C19orf44: variants seen among roughly 807,000 people sequenced by gnomAD.
C19orf44 encodes the protein chromosome 19 open reading frame 44, also known as uncharacterized protein C19orf44.
A neutral mutation model predicts 50.7 loss-of-function variants in C19orf44; 43 were observed. That is an observed-to-expected ratio of 0.85 (90% CI 0.66 to 1.09). The LOEUF is 1.09. Ranked by LOEUF, C19orf44 falls within the 50% of genes least tolerant of loss-of-function variation. The pLI is 0.00. For synonymous variants in C19orf44, 298 were observed against 334.7 expected (o/e 0.89, Z 1.20); for missense variants, 722 against 836.2 (o/e 0.86, Z 1.68).
At chr19:16,506,825 T>C (rs967328943) in intron 4 of C19orf44, 51 bp downstream of exon 4, 14 of 812,528 alleles carry the variant, frequency 1.7e-5, no homozygotes, top group Non-Finnish European at 2.5e-5. Context: ...GGCTTCAACA[T>C]TTTTTTTTTT....
rs747290463 is a variant in C19orf44 at position 16,509,517 on chromosome 19, CAA to C, written c.1173_1174del (p.Lys391AsnfsTer38). The C allele has an allele frequency of 4.5e-6, 7 of 1,544,774 alleles. No individual in the cohort carries two copies. The highest frequency in any genetic ancestry group is 5.2e-6 in the Non-Finnish European group (6 of 1,149,958). On this transcript the variant is annotated frameshift_variant, in exon 5 of 9. Coordinates refer to ENST00000221671, the MANE Select transcript of C19orf44 (RefSeq NM_032207.4). LOFTEE classifies it high-confidence loss of function. ...LEQEEESAQRQKTAGKIFRAE... is the reference protein window; with the variant it reads ...LEQEEESAQRXKTAGKIFRAE... ...ATTTTAGGAGGAAAGTGCTCAGAGA[CAA>C]AAAACAGCTGGCAAAATCTTCAGAG...
At position 16,520,215 on chromosome 19, in the gene C19orf44, C is replaced by T. The variant is rs1296762298; in HGVS notation, c.*162C>T. The T allele has an allele frequency of 6.2e-6, 10 of 1,613,258 alleles. No homozygotes were observed. Among genetic ancestry groups the T allele is most frequent in the South Asian group, 1.1e-5 (1 of 91,064 alleles). ...TGGGGAGTACGACTTGGACCGGGAC[C>T]GCGACTGGGACCGGGAGCGGCTTCT... is the stretch of plus-strand genomic sequence containing the variant. On this transcript the variant is annotated 3_prime_UTR_variant, in exon 9 of 9. Coordinates refer to ENST00000221671, the MANE Select transcript of C19orf44 (RefSeq NM_032207.4). This position sits in a 1 kb window ranked among gnomAD's most constrained non-coding sequence, Gnocchi z 4.0.
intron 5 of C19orf44, among the ~76,000 whole-genome samples, chr19:16,510,961 C>T (rs533651153): frequency 6.6e-4 from 100 of 151,834 alleles, no homozygotes; most frequent in African/African-American, 2.3e-3. Context: ...GTCTCAAACT[C>T]GTGGGCTCAA....
At chr19:16,518,820 C>T in intron 8 of C19orf44, 1 of 290,754 alleles carries the variant, frequency 3.4e-6, no homozygotes. Flanking sequence ...AGGCTTCAAT[C>T]TGACTTAGGG....
At chr19:16,512,944 C>T (rs1203131956) in intron 5 of C19orf44, 70 bp from the exon 6 acceptor site, 8 of 1,257,786 alleles carry the variant, frequency 6.4e-6, no homozygotes, top group Admixed American at 1.8e-5. Context: ...ATTCCAGGGT[C>T]GTATCTGTGG....
rs773708258 is a variant in C19orf44 at position 16,509,600 on chromosome 19, A to T, written c.1251A>T (p.Ala417=). 1.3e-5 allele frequency: 21 copies of T among 1,614,178 alleles called. No homozygotes were observed. The South Asian group carries it at 2.1e-4, about 16-fold the overall frequency. Residue 417 remains alanine (A), a synonymous_variant, in exon 5 of 9, where the codon GCA becomes GCT. Transcript: ENST00000221671. ...APRQAQARSW[A]SQGKAASAEG... ...GGCAGGCCCAGGCGAGGAGCTGGGC[A>T]TCACAGGGAAAGGCCGCCTCTGCAG... is the stretch of plus-strand genomic sequence containing the variant.
rs141692538 is a variant in C19orf44 at position 16,513,105 on chromosome 19, A to G, written c.1731A>G (p.Ile577Met). The G allele has an allele frequency of 1.2e-6, 2 of 1,613,864 alleles. No individual in the cohort carries two copies. The highest frequency in any genetic ancestry group is 1.1e-5 in the South Asian group (1 of 91,086). Residue 577 changes from isoleucine to methionine, a missense_variant, in exon 6 of 9, where the codon ATA becomes ATG. Transcript: ENST00000221671. Reference sequence around the variant, plus strand: ...ATCATGTTATCAGTGCAGATGCAATAGAAGGTAACAGCCCGGCTCGGGGGA... The same window carrying G: ...ATCATGTTATCAGTGCAGATGCAATGGAAGGTAACAGCCCGGCTCGGGGGA... Reference protein sequence around the residue: ...IANHVISADAIEALTAYSPAV... With the variant: ...IANHVISADAMEALTAYSPAV...
chr19:16,501,003 G>C lies in C19orf44; in HGVS notation c.211G>C (p.Gly71Arg). 1 of 1,613,788 alleles carries C rather than the reference G, an allele frequency of 6.2e-7. No homozygotes were observed. Reference sequence around the variant, plus strand: ...ACTCCTGAAAGAGAACCCTGTGCTCGGGAGTGGACCCAGGCTTGCCTCATG... The same window carrying C: ...ACTCCTGAAAGAGAACCCTGTGCTCCGGAGTGGACCCAGGCTTGCCTCATG... ...HLLLKENPVL[G>R]SGPRLASCRP... Residue 71 changes from glycine (G) to arginine (R), a missense_variant, in exon 2 of 9, where the codon GGG (glycine) becomes CGG (arginine). By Grantham distance (125) the Gly-to-Arg change is moderately radical. Transcript: ENST00000221671.
rs368721005 is a variant in C19orf44 at position 16,519,408 on chromosome 19, C to A, written c.*41-686C>A. On this transcript the variant is annotated intron_variant, in intron 8 of 8. Transcript: ENST00000221671. This position sits in a 1 kb window ranked among gnomAD's most constrained non-coding sequence, Gnocchi z 6.0. Reference sequence around the variant, plus strand: ...CAAGGCGGAGGCAGATGGGGGTGCACGTGGGGGGCTGAATGTCCAGACAGG... The same window carrying A: ...CAAGGCGGAGGCAGATGGGGGTGCAAGTGGGGGGCTGAATGTCCAGACAGG... 2 of 1,543,826 alleles carry A rather than the reference C, an allele frequency of 1.3e-6. No individual in the cohort carries two copies. The highest frequency in any genetic ancestry group is 1.2e-5 in the South Asian group (1 of 86,226).
intron 1 of C19orf44, among the ~76,000 whole-genome samples, chr19:16,500,559 G>A (rs1262818087): frequency 1.3e-5 from 2 of 151,610 alleles, no homozygotes. Flanking sequence ...TTGCCAGGAT[G>A]GTCTCAATCT....
chr19:16,498,543 C>CA (rs1402805982), intron 1 of C19orf44, among the ~76,000 whole-genome samples: 1 of 152,194 alleles, frequency 6.6e-6, no homozygotes, highest in Non-Finnish European at 1.5e-5. Flanking sequence ...CCTGGCCTCC[C>CA]ACAGTGCTGG....
At chr19:16,512,442 C>T (rs1176509349) in intron 5 of C19orf44, among the ~76,000 whole-genome samples, 1 of 152,142 alleles carries the variant, frequency 6.6e-6, no homozygotes, top group Non-Finnish European at 1.5e-5. Flanking sequence ...AGCACATCCT[C>T]CACTGCTCTC....
chr19:16,518,343 G>C (rs559938754), intron 8 of C19orf44: 1 of 152,140 alleles, frequency 6.6e-6, no homozygotes, highest in African/African-American at 2.4e-5. Flanking sequence ...ACTCAAGCAG[G>C]GGACGCGACG....
chr19:16,503,224 A>G lies in C19orf44; in HGVS notation c.919A>G (p.Thr307Ala), dbSNP rs142099639. Residue 307 changes from threonine to alanine, a missense_variant, in exon 3 of 9, where the codon ACC (threonine) becomes GCC (alanine). Coordinates refer to ENST00000221671, the MANE Select transcript of C19orf44 (RefSeq NM_032207.4). ...CCCACAGAGTCACGTTTCCAGTGAC[A>G]CCGCCTCCCACACGCCGTCAGTTTC... ...DYPQSHVSSD[T>A]ASHTPSVSIT... 306 of 1,614,076 alleles carry G rather than the reference A, an allele frequency of 1.9e-4. No homozygotes were observed. The highest frequency in any genetic ancestry group is 3.3e-4 in the Middle Eastern group (2 of 6,062).
At position 16,520,757 on chromosome 19, in the gene C19orf44, G is replaced by C; in HGVS notation, c.*704G>C. The stretch of plus-strand genomic sequence containing the variant: ...GGGTGGACGTGATGAGTGTATCTGG[G>C]GTCTGCTCCCACCCATCACAAGCTG... On this transcript the variant is annotated 3_prime_UTR_variant, in exon 9 of 9. Coordinates refer to ENST00000221671, the MANE Select transcript of C19orf44 (RefSeq NM_032207.4). This position sits in a 1 kb window ranked among gnomAD's most constrained non-coding sequence, Gnocchi z 4.0. 2.1e-6 allele frequency: 3 copies of C among 1,445,110 alleles called. No individual in the cohort carries two copies. In the South Asian group the frequency reaches 3.4e-5, roughly 16 times the overall value. 89.5% of individuals were successfully genotyped at this position (1,445,110 alleles called of 1,614,324 possible). A position where few individuals can be genotyped will look rare whatever the true frequency, so the allele number is the denominator to read the frequency against.
chr19:16,514,431 TGG>T (rs377427270), intron 6 of C19orf44, 64 bp from the exon 7 acceptor site: 9 of 1,055,920 alleles, frequency 8.5e-6, no homozygotes, highest in South Asian at 7.3e-5. Flanking sequence ...ACCTGAGCGG[TGG>T]GGGGGGGGCT....
At chr19:16,518,459 T>A (rs1046165540) in intron 8 of C19orf44, 1 of 151,974 alleles carries the variant, frequency 6.6e-6, no homozygotes, top group Non-Finnish European at 1.5e-5. Context: ...AGAAAAAAAA[T>A]ATCAACTTAT....
At chr19:16,499,328 C>G (rs1442811848) in intron 1 of C19orf44, 2 of 151,860 alleles carry the variant, frequency 1.3e-5, no homozygotes, top group Non-Finnish European at 2.9e-5. Context: ...ACTCTGTCAC[C>G]CAGGCTGGAG....
chr19:16,518,863 ATT>A (rs2085576156), intron 8 of C19orf44: 4 of 402,354 alleles, frequency 9.9e-6, no homozygotes, highest in South Asian at 2.7e-5. Context: ...TGGCTGAAGA[ATT>A]TACTCGGGCG....
Sources: gnomAD v4.1 joint callset for allele counts (sites outside exome capture counted in the v4.1 genomes callset) on GRCh38, gnomAD v4.1.1 for gene constraint, Gnocchi (gnomAD v3.1) non-coding constraint, MANE v1.5 for transcripts, NCBI Gene and HGNC (gene_info 2026-07-23, HGNC 2026-07-21) for gene names.